The following CWF19L2 variants were observed in gnomAD, a reference collection of about 807,000 sequenced individuals.
CWF19L2 encodes CWF19 like cell cycle control factor 2.
Under a neutral mutation model 111.7 loss-of-function variants are expected in CWF19L2, and 98 were observed. The ratio of observed to expected loss-of-function variants is 0.88; its 90% CI spans 0.75 to 1.04. CWF19L2 has a LOEUF of 1.04. Ranked by LOEUF, CWF19L2 falls within the 50% of genes least tolerant of loss-of-function variation. CWF19L2 has a pLI of 0.00. For missense variants in CWF19L2, 1,101 were observed against 1,051.4 expected (o/e 1.05, Z -0.65); for synonymous variants, 351 against 342.9 (o/e 1.02, Z -0.26).
chr11:107,347,376 G>C (rs1860095263), intron 14 of CWF19L2, among the ~76,000 whole-genome samples: 1 of 152,014 alleles, frequency 6.6e-6, no homozygotes, highest in African/African-American at 2.4e-5. Flanking sequence ...AATAATCAAA[G>C]ATACTCACTA....
intron 16 of CWF19L2, among the ~76,000 whole-genome samples, chr11:107,334,360 T>C (rs1565241633): frequency 6.6e-6 from 1 of 152,146 alleles, no homozygotes; most frequent in Non-Finnish European, 1.5e-5. Context: ...AAATAAAGAT[T>C]AAACTATGAG....
At chr11:107,409,743 T>C (rs1440207897) in intron 10 of CWF19L2, among the ~76,000 whole-genome samples, 1 of 152,126 alleles carries the variant, frequency 6.6e-6, no homozygotes, top group East Asian at 1.9e-4. Flanking sequence ...AGAAGCTATG[T>C]GGTGGGCTTA....
chr11:107,334,045 A>T (rs1859887229), intron 16 of CWF19L2, among the ~76,000 whole-genome samples: 1 of 152,208 alleles, frequency 6.6e-6, no homozygotes, highest in Admixed American at 6.5e-5. Flanking sequence ...CAGGCAGAAG[A>T]CTGGGTTTAG....
At chr11:107,338,487 T>C (rs955487211) in intron 14 of CWF19L2, among the ~76,000 whole-genome samples, 1 of 152,166 alleles carries the variant, frequency 6.6e-6, no homozygotes, top group Non-Finnish European at 1.5e-5. Flanking sequence ...CCATGGTGGT[T>C]TGCTGCACAG....
rs192071231 is a variant in CWF19L2 at position 107,368,875 on chromosome 11, G to A, written c.1873-15139C>T. On this transcript the variant is annotated intron_variant, in intron 12 of 17. Coordinates refer to ENST00000282251, the MANE Select transcript of CWF19L2 (RefSeq NM_152434.3). ...TAATGTATTTTAATTCAAGAATGGT[G>A]CTTCAAAATGCCAGGTGCATTCAAA... 2.9e-3 allele frequency among the ~76,000 whole-genome samples: 394 copies of A among 137,700 alleles called. 91 individuals are homozygous for A. Among genetic ancestry groups the A allele is most frequent in the African/African-American group, 0.01 (362 of 34,580 alleles). The allele number at this position is 137,700 out of a possible 152,430, so 90.3% of individuals were successfully genotyped here. A position where few individuals can be genotyped will look rare whatever the true frequency, so the allele number is the denominator to read the frequency against.
intron 12 of CWF19L2, among the ~76,000 whole-genome samples, chr11:107,375,575 A>G (rs1247147133): frequency 7.3e-6 from 1 of 136,364 alleles, no homozygotes; most frequent in Non-Finnish European, 1.6e-5. Flanking sequence ...GAAACCAACA[A>G]GAACAAAGAC....
Position 107,441,600 on chromosome 11 carries a change from T to G in CWF19L2, c.473A>C (p.Asp158Ala), listed in dbSNP as rs1218740071. ...IIKRDEWMTV[D>A]FMSVKTVSSS... The stretch of plus-strand genomic sequence containing the variant: ...TGACACAGTTTTAACAGACATAAAA[T>G]CAACAGTCATCCACTCATCCCTCTG... Residue 158 changes from aspartate to alanine, a missense_variant, in exon 5 of 18, where the codon GAT becomes GCT. Physicochemically the swap from Asp to Ala is moderately radical, Grantham distance 126. Transcript: ENST00000282251. 6.5e-7 allele frequency: 1 copy of G among 1,538,490 alleles called. No individual in the cohort carries two copies. Among genetic ancestry groups the G allele is most frequent in the Non-Finnish European group, 8.7e-7 (1 of 1,142,922 alleles).
chr11:107,444,961 C>G (rs1345404769), intron 3 of CWF19L2, among the ~76,000 whole-genome samples: 2 of 152,162 alleles, frequency 1.3e-5, no homozygotes, highest in East Asian at 3.9e-4. Context: ...TTCACATCAA[C>G]CTGAGCCATT....
rs1861583340 is a variant in CWF19L2, at chr11:107,439,073, T to C, written c.664+17A>G. ...AAAAAAAAACCCTGTGTGTCTATAATCAAAATGTAGAAATACCTTTAGTAA... is the reference window on the plus strand; with the variant it reads ...AAAAAAAAACCCTGTGTGTCTATAACCAAAATGTAGAAATACCTTTAGTAA... On this transcript the variant is annotated intron_variant, in intron 6 of 17. Coordinates refer to ENST00000282251, the MANE Select transcript of CWF19L2 (RefSeq NM_152434.3). The C allele has an allele frequency of 4.3e-6, 3 of 692,650 alleles. No homozygotes were observed. Among genetic ancestry groups the C allele is most frequent in the Non-Finnish European group, 7.2e-6 (3 of 417,392 alleles). The allele number at this position is 692,650 out of a possible 1,614,324, so 42.9% of individuals were successfully genotyped here. A position where few individuals can be genotyped will look rare whatever the true frequency, so the allele number is the denominator to read the frequency against.
chr11:107,352,286 A>ACGCTCT, intron 13 of CWF19L2, among the ~76,000 whole-genome samples: 1 of 36,962 alleles, frequency 2.7e-5, no homozygotes, highest in Non-Finnish European at 5.3e-5. Context: ...TTCCCACGAA[A>ACGCTCT]TGCAAGAGCA....
intron 12 of CWF19L2, among the ~76,000 whole-genome samples, chr11:107,357,871 A>G (rs1304478947): frequency 6.6e-6 from 1 of 152,212 alleles, no homozygotes; most frequent in Non-Finnish European, 1.5e-5. Flanking sequence ...TGGAGAATGT[A>G]CTAAGTGTAA....
intron 12 of CWF19L2, among the ~76,000 whole-genome samples, chr11:107,385,669 T>C (rs34129089): frequency 0.16 from 23,880 of 152,260 alleles, 2,160 homozygotes; most frequent in Middle Eastern, 0.26. Context: ...TTGAAAATAT[T>C]ACATGGAAAA....
In CWF19L2 at chr11:107,439,146, T is replaced by G. The variant is rs1861585511; in HGVS notation, c.608A>C (p.Lys203Thr). The G allele has an allele frequency of 4.4e-6, 7 of 1,607,280 alleles. No homozygotes were observed. The highest frequency in any genetic ancestry group is 1.3e-5 in the African/African-American group (1 of 74,670). The stretch of plus-strand genomic sequence containing the variant: ...AGGTGGAAGACCTGTCCCACCATCC[T>G]TCCAGTACGGATTCAATTCTCTTTC... ...LMERELNPYW[K>T]DGGTGLPPED... Residue 203 changes from lysine to threonine, a missense_variant, in exon 6 of 18, where the codon AAG becomes ACG. Coordinates refer to ENST00000282251, the MANE Select transcript of CWF19L2 (RefSeq NM_152434.3).
At chr11:107,403,682 A>C in intron 10 of CWF19L2, 2 of 781,680 alleles carry the variant, frequency 2.6e-6, no homozygotes, top group East Asian at 2.4e-5. Context: ...CTCAGGAATG[A>C]TGCTGCCCTG....
At chr11:107,445,087 A>G (rs188404496) in intron 3 of CWF19L2, among the ~76,000 whole-genome samples, 14 of 152,328 alleles carry the variant, frequency 9.2e-5, no homozygotes, top group Non-Finnish European at 1.9e-4. Flanking sequence ...TTTTTTAAAA[A>G]CTAGAACTCA....
chr11:107,345,096 T>C (rs1237981938), intron 14 of CWF19L2, among the ~76,000 whole-genome samples: 1 of 152,168 alleles, frequency 6.6e-6, no homozygotes, highest in East Asian at 1.9e-4. Context: ...TGCCTAGTGT[T>C]ACTTGCACAA....
At chr11:107,431,191 A>G (rs560631524) in intron 7 of CWF19L2, among the ~76,000 whole-genome samples, 5 of 152,116 alleles carry the variant, frequency 3.3e-5, no homozygotes, top group East Asian at 3.9e-4. Context: ...AGAAGAAAAG[A>G]AAGTTTAAGT....
chr11:107,404,255 T>G (rs1476754489), intron 10 of CWF19L2: 2 of 778,740 alleles, frequency 2.6e-6, no homozygotes, highest in African/African-American at 3.4e-5. Flanking sequence ...ATATTCTTGT[T>G]TTTCTTCATC....
intron 15 of CWF19L2, 43 bp from the exon 16 acceptor site, chr11:107,335,004 T>A (rs758425395): frequency 5.6e-6 from 7 of 1,252,142 alleles, no homozygotes; most frequent in Non-Finnish European, 8.1e-6. Flanking sequence ...AACATGTAAG[T>A]AAATAAAAAG....
Sources: gnomAD v4.1 joint callset for allele counts (sites outside exome capture counted in the v4.1 genomes callset) on GRCh38, gnomAD v4.1.1 for gene constraint, MANE v1.5 for transcripts, NCBI Gene and HGNC (gene_info 2026-07-23, HGNC 2026-07-21) for gene names.